The following LSAMP variants were observed in gnomAD, a reference collection of about 807,000 sequenced individuals.
LSAMP encodes the protein limbic system-associated membrane protein.
A neutral mutation model predicts 38.6 loss-of-function variants in LSAMP; 7 were observed. The ratio of observed to expected loss-of-function variants is 0.18; its 90% confidence interval spans 0.10 to 0.34. The LOEUF (loss-of-function observed/expected upper bound fraction) is 0.34. Among genes scored for constraint, LSAMP ranks in the 10% least tolerant of loss-of-function variants. The pLI is 1.00. For synonymous variants in LSAMP, 154 were observed against 166.8 expected (o/e 0.92, Z 0.59); for missense variants, 313 against 420.0 (o/e 0.75, Z 2.23).
intron 2 of LSAMP, among the ~76,000 whole-genome samples, chr3:116,039,754 T>C (rs573830750): frequency 6.6e-5 from 10 of 152,268 alleles, no homozygotes; most frequent in Admixed American, 6.5e-4. Context: ...CTTTGAGAGT[T>C]TGGAGCCTGC....
At chr3:115,878,248 G>C (rs962074677) in intron 3 of LSAMP, among the ~76,000 whole-genome samples, 5 of 151,952 alleles carry the variant, frequency 3.3e-5, no homozygotes, top group Admixed American at 6.6e-5. Context: ...GAAAGATGGA[G>C]ACCAAGGGAA....
intron 1 of LSAMP, among the ~76,000 whole-genome samples, chr3:116,288,563 T>C (rs2047221393): frequency 1.3e-5 from 2 of 152,224 alleles, no homozygotes; most frequent in South Asian, 4.1e-4. Context: ...GATTTAAAAC[T>C]TCATTCCATT....
chr3:115,816,747 T>C (rs1934037414), intron 6 of LSAMP: 1 of 577,360 alleles, frequency 1.7e-6, no homozygotes, highest in South Asian at 1.8e-5. Flanking sequence ...GAAAGGCGAA[T>C]AAGAGAAAAG....
intron 6 of LSAMP, among the ~76,000 whole-genome samples, chr3:115,812,272 T>A (rs1478040195): frequency 6.6e-6 from 1 of 152,082 alleles, no homozygotes; most frequent in Admixed American, 6.6e-5. Context: ...TTCAATAAAT[T>A]AATTATCTGA....
chr3:116,438,661 T>C (rs1369735490), intron 1 of LSAMP, among the ~76,000 whole-genome samples: 1 of 152,224 alleles, frequency 6.6e-6, no homozygotes, highest in African/African-American at 2.4e-5. Context: ...TGTCTAAATA[T>C]TGTCTGTTTT....
In LSAMP at chr3:116,426,149, G is replaced by A. The variant is rs1305089564; in HGVS notation, c.155+18728C>T. Among the ~76,000 whole-genome samples the A allele has an allele frequency of 5.3e-5, 8 of 152,132 alleles. 1 individual carries two copies. The highest frequency in any genetic ancestry group is 5.2e-4 in the Admixed American group (8 of 15,270). The stretch of plus-strand genomic sequence containing the variant: ...GACTATAAACTCCATCTCATTCACT[G>A]CTCATCACCAGTACTCAACTGAGTG... On this transcript the variant is annotated intron_variant, in intron 1 of 6. Transcript: ENST00000490035.
At chr3:116,400,753 C>T (rs2048829525) in intron 1 of LSAMP, among the ~76,000 whole-genome samples, 2 of 152,150 alleles carry the variant, frequency 1.3e-5, no homozygotes, top group Non-Finnish European at 2.9e-5. Context: ...GCTGGGATTA[C>T]AGCGTGAGCC....
chr3:115,828,033 C>T (rs1420996182), intron 6 of LSAMP, among the ~76,000 whole-genome samples: 1 of 152,138 alleles, frequency 6.6e-6, no homozygotes, highest in African/African-American at 2.4e-5. Context: ...TTGTATCTTG[C>T]CTCTTCAGAA....
intron 1 of LSAMP, among the ~76,000 whole-genome samples, chr3:116,148,953 T>C (rs576992129): frequency 6.6e-4 from 100 of 152,108 alleles, no homozygotes; most frequent in African/African-American, 2.0e-3. Flanking sequence ...AGACTAGTTA[T>C]AATAGGAGGC....
At chr3:116,087,546 G>T (rs1399618283) in intron 1 of LSAMP, among the ~76,000 whole-genome samples, 1 of 152,174 alleles carries the variant, frequency 6.6e-6, no homozygotes, top group African/African-American at 2.4e-5. Context: ...ATAGGGAGAT[G>T]TCCCAAACCC....
intron 3 of LSAMP, among the ~76,000 whole-genome samples, chr3:115,866,123 C>T (rs1935850532): frequency 6.6e-6 from 1 of 152,142 alleles, no homozygotes; most frequent in Admixed American, 6.6e-5. Context: ...CCCAACATTA[C>T]ACAGATAGTA....
chr3:116,099,204 A>G (rs548784554), intron 1 of LSAMP, among the ~76,000 whole-genome samples: 12 of 152,338 alleles, frequency 7.9e-5, no homozygotes, highest in Middle Eastern at 3.4e-3. Flanking sequence ...GAAGAGCCCT[A>G]TGATTCAAAA....
At position 116,086,361 on chromosome 3, in the gene LSAMP, A is replaced by C; in HGVS notation, c.351T>G (p.His117Gln). The C allele has an allele frequency of 6.2e-7, 1 of 1,614,146 alleles. No individual in the cohort carries two copies. The highest frequency in any genetic ancestry group is 8.5e-7 in the Non-Finnish European group (1 of 1,180,016). The change falls in exon 2 of 7, where the codon CAT becomes CAG. Residue 117 changes from histidine (H) to glutamine (Q), a missense_variant. Physicochemically the swap from His to Gln is conservative, Grantham distance 24. Coordinates refer to ENST00000490035, the MANE Select transcript of LSAMP (RefSeq NM_002338.5). ...GSYTCSVQTQHEPKTSQVYLI... is the reference protein window; with the variant it reads ...GSYTCSVQTQQEPKTSQVYLI... Reference sequence around the variant, plus strand: ...AGTAAACTTGGGAGGTCTTGGGCTCATGCTGTGTCTGAACTGAGCAAGTGT... The same window carrying C: ...AGTAAACTTGGGAGGTCTTGGGCTCCTGCTGTGTCTGAACTGAGCAAGTGT...
At chr3:116,074,125 T>C (rs761539026) in intron 2 of LSAMP, among the ~76,000 whole-genome samples, 1 of 152,222 alleles carries the variant, frequency 6.6e-6, no homozygotes, top group Non-Finnish European at 1.5e-5. Flanking sequence ...TTTGAGTTCC[T>C]TGTATCAACA....
intron 1 of LSAMP, among the ~76,000 whole-genome samples, chr3:116,366,229 A>G (rs1673988774): frequency 6.6e-6 from 1 of 152,128 alleles, no homozygotes; most frequent in South Asian, 2.1e-4. Context: ...ACACTTCTCA[A>G]AAGAAAACAT....
intron 1 of LSAMP, among the ~76,000 whole-genome samples, chr3:116,439,411 C>T (rs889282954): frequency 5.3e-5 from 8 of 150,504 alleles, no homozygotes; most frequent in African/African-American, 2.0e-4. Flanking sequence ...CACCTGAGAA[C>T]TTGTGAGAAA....
chr3:116,133,178 G>C (rs1709172590), intron 1 of LSAMP, among the ~76,000 whole-genome samples: 1 of 152,086 alleles, frequency 6.6e-6, no homozygotes, highest in African/African-American at 2.4e-5. Context: ...TTCTACCTCA[G>C]GTGCACAACC....
At chr3:116,089,524 A>AT (rs562508721) in intron 1 of LSAMP, among the ~76,000 whole-genome samples, 611 of 152,038 alleles carry the variant, frequency 4.0e-3, no homozygotes, top group Non-Finnish European at 6.8e-3. Flanking sequence ...CGCCCGCCTA[A>AT]TTTTTTGTAT....
At chr3:115,940,625 A>G (rs1433866539) in intron 3 of LSAMP, among the ~76,000 whole-genome samples, 10 of 152,118 alleles carry the variant, frequency 6.6e-5, no homozygotes, top group South Asian at 2.1e-4. Flanking sequence ...TCTTTTATAC[A>G]TGGATATCCA....
Sources: allele counts gnomAD v4.1 joint callset (sites outside exome capture counted in the v4.1 genomes callset), GRCh38; gene constraint gnomAD v4.1.1; transcripts MANE v1.5; gene names NCBI Gene and HGNC (gene_info 2026-07-23, HGNC 2026-07-21).